Variants in IGFN1 observed in about 807,000 individuals in gnomAD.
The protein encoded by IGFN1 is immunoglobulin-like and fibronectin type III domain-containing protein 1.
In IGFN1, 253 loss-of-function variants were observed where a neutral mutation model predicts 289.5. The observed-to-expected ratio is 0.87, with a 90% confidence interval of 0.79 to 0.97. The LOEUF (loss-of-function observed/expected upper bound fraction) is 0.97, where lower values mean the gene tolerates loss of function less well. Among genes scored for constraint, IGFN1 ranks in the 50% least tolerant of loss-of-function variants. The probability of loss-of-function intolerance (pLI) is 0.00; values close to 1 mark genes in which losing one functional copy is unlikely to be tolerated. For synonymous variants in IGFN1, 1,706 were observed against 1,788.5 expected (o/e 0.95, Z 1.16); for missense variants, 4,470 against 4,686.1 (o/e 0.95, Z 1.35).
intron 2 of IGFN1, among the ~76,000 whole-genome samples, chr1:201,193,609 G>A (rs1666757644): frequency 6.6e-6 from 1 of 152,082 alleles, no homozygotes. Flanking sequence ...CTGCCACCAT[G>A]CCTGGCTAAT....
Position 201,215,709 on chromosome 1 carries a change from G to A in IGFN1, c.9166G>A (p.Val3056Met). ...VVGSSDREAQ[V>M]DLGDGYTRLC... is the part of the protein sequence containing the mutation. ...GGGCAGCAGTGACAGGGAGGCCCAG[G>A]TGGACCTGGGGGATGGCTACACGCG... The change falls in exon 15 of 24, where the codon GTG becomes ATG. Residue 3056 changes from valine to methionine, a missense_variant. Around this residue, in one of 8 missense-constraint regions of IGFN1, gnomAD observed 2,218 missense variants for 2,114.1 expected, o/e 1.05. Transcript: ENST00000335211. 6.2e-7 allele frequency: 1 copy of A among 1,613,460 alleles called. No homozygotes were observed. Among genetic ancestry groups the A allele is most frequent in the Non-Finnish European group, 8.5e-7 (1 of 1,179,768 alleles).
intron 3 of IGFN1, 57 bp downstream of exon 3, chr1:201,194,330 A>G: frequency 6.5e-7 from 1 of 1,539,602 alleles, no homozygotes; most frequent in Non-Finnish European, 8.8e-7. Flanking sequence ...CCTACCTCCC[A>G]GGGGAGAGGG....
Position 201,209,082 on chromosome 1 carries a change from A to G in IGFN1, c.4189A>G (p.Arg1397Gly), listed in dbSNP as rs1667579377. The G allele has an allele frequency of 6.5e-7, 1 of 1,535,606 alleles. No individual in the cohort carries two copies. Among genetic ancestry groups the G allele is most frequent in the African/African-American group, 1.4e-5 (1 of 72,430 alleles). Residue 1397 changes from arginine to glycine, a missense_variant, in exon 12 of 24, where the codon AGG (arginine) becomes GGG (glycine). Coordinates refer to ENST00000335211, the MANE Select transcript of IGFN1 (RefSeq NM_001164586.2). ...GMGAGYRAGLRGPGEMGSLDE... is the reference protein window; with the variant it reads ...GMGAGYRAGLGGPGEMGSLDE... ...GGGTGCAGGTTACAGGGCTGGTTTA[A>G]GGGGTCCTGGGGAGATGGGGTCACT...
At chr1:201,224,574 G>C (rs946588845) in intron 20 of IGFN1, 105 bp from the exon 21 acceptor site, 3 of 871,220 alleles carry the variant, frequency 3.4e-6, no homozygotes, top group Non-Finnish European at 5.3e-6. Flanking sequence ...TCTCCTTGTA[G>C]AAGACTCTTC....
rs1002594861 is a variant in IGFN1 at position 201,214,218 on chromosome 1, G to A, written c.8770G>A (p.Val2924Met). 4 of 1,613,380 alleles carry A rather than the reference G, an allele frequency of 2.5e-6. No homozygotes were observed. Among genetic ancestry groups the A allele is most frequent in the African/African-American group, 1.3e-5 (1 of 74,920 alleles). The change falls in exon 13 of 24, where the codon GTG becomes ATG. Residue 2924 changes from valine to methionine, a missense_variant. Physicochemically the swap from Val to Met is conservative, Grantham distance 21. This residue lies in a region of IGFN1 where 2,218 missense variants were observed against 2,114.1 expected (regional missense o/e 1.05). Coordinates refer to ENST00000335211, the MANE Select transcript of IGFN1 (RefSeq NM_001164586.2). ...HFSQGLADME[V>M]QPGEAATLSC... ...CTCCCAGGGCCTGGCTGACATGGAAGTGCAGCCGGGGGAGGCCGCCACACT... is the reference window on the plus strand; with the variant it reads ...CTCCCAGGGCCTGGCTGACATGGAAATGCAGCCGGGGGAGGCCGCCACACT...
Position 201,203,818 on chromosome 1 carries a change from G to C in IGFN1, c.828G>C (p.Gln276His), listed in dbSNP as rs974427132. 1.4e-5 allele frequency: 22 copies of C among 1,551,614 alleles called. No homozygotes were observed. Among genetic ancestry groups the C allele is most frequent in the Admixed American group, 5.9e-5 (3 of 50,990 alleles). The change falls in exon 10 of 24, where the codon CAG (glutamine) becomes CAC (histidine). Residue 276 changes from glutamine (Q) to histidine (H), a missense_variant. Around this residue, in one of 8 missense-constraint regions of IGFN1, gnomAD observed 2,011 missense variants for 1,953.4 expected, o/e 1.03. Coordinates refer to ENST00000335211, the MANE Select transcript of IGFN1 (RefSeq NM_001164586.2). The stretch of plus-strand genomic sequence containing the variant: ...GGCTGGGGAAGCGCTATGAGTTCCA[G>C]ATTCAAGACCTGAGGCCTGAGGACT... ...LRRLGKRYEF[Q>H]IQDLRPEDSG...
Position 201,207,375 on chromosome 1 carries a change from G to A in IGFN1, c.2482G>A (p.Gly828Ser), listed in dbSNP as rs1017445879. The A allele has an allele frequency of 3.9e-6, 6 of 1,536,646 alleles. No individual in the cohort carries two copies. Among genetic ancestry groups the A allele is most frequent in the African/African-American group, 1.4e-5 (1 of 73,006 alleles). Reference protein sequence around the residue: ...GWTAGHRAAGGIGRIESKGTS... With the variant: ...GWTAGHRAAGSIGRIESKGTS... The stretch of plus-strand genomic sequence containing the variant: ...GACAGCAGGTCACAGAGCAGCAGGG[G>A]GTATTGGCAGAATAGAATCTAAGGG... Residue 828 changes from glycine to serine, a missense_variant, in exon 12 of 24, where the codon GGT becomes AGT. By Grantham distance (56) the Gly-to-Ser change is moderately conservative (BLOSUM62 0). Coordinates refer to ENST00000335211, the MANE Select transcript of IGFN1 (RefSeq NM_001164586.2).
chr1:201,214,516 C>G (rs1653068819), intron 13 of IGFN1, among the ~76,000 whole-genome samples: 1 of 152,106 alleles, frequency 6.6e-6, no homozygotes, highest in Admixed American at 6.5e-5. Flanking sequence ...TCAGCATACC[C>G]CTTGTTCTTC....
At chr1:201,198,003 G>A (rs1358196829) in intron 5 of IGFN1, among the ~76,000 whole-genome samples, 1 of 152,200 alleles carries the variant, frequency 6.6e-6, no homozygotes, top group African/African-American at 2.4e-5. Context: ...CGTTCCCACT[G>A]CTCTGCCATC....
chr1:201,207,099 A>C lies in IGFN1; in HGVS notation c.2206A>C (p.Arg736=). ...DFQEPSISGG[R]KFLLGDGSPE... is the part of the protein sequence containing the mutation. The stretch of plus-strand genomic sequence containing the variant: ...CCAGGAACCATCAATATCAGGTGGT[A>C]GAAAATTCCTTCTGGGAGATGGGAG... Residue 736 remains arginine, a synonymous_variant, in exon 12 of 24, where the codon AGA becomes CGA. Coordinates refer to ENST00000335211, the MANE Select transcript of IGFN1 (RefSeq NM_001164586.2). The C allele has an allele frequency of 3.9e-6, 6 of 1,537,060 alleles. No individual in the cohort carries two copies. Among genetic ancestry groups the C allele is most frequent in the Non-Finnish European group, 5.2e-6 (6 of 1,146,864 alleles).
Position 201,215,699 on chromosome 1 carries a change from G to A in IGFN1, c.9156G>A (p.Arg3052=). 6.2e-7 allele frequency: 1 copy of A among 1,613,686 alleles called. No homozygotes were observed. Among genetic ancestry groups the A allele is most frequent in the Non-Finnish European group, 8.5e-7 (1 of 1,179,872 alleles). Residue 3052 remains arginine, a synonymous_variant, in exon 15 of 24, where the codon AGG becomes AGA. Coordinates refer to ENST00000335211, the MANE Select transcript of IGFN1 (RefSeq NM_001164586.2). ...DGAEVVGSSD[R]EAQVDLGDGY... The stretch of plus-strand genomic sequence containing the variant: ...CTGAGGTGGTGGGCAGCAGTGACAG[G>A]GAGGCCCAGGTGGACCTGGGGGATG...
chr1:201,197,901 A>C (rs976665035), intron 5 of IGFN1, among the ~76,000 whole-genome samples: 9 of 152,192 alleles, frequency 5.9e-5, no homozygotes, highest in Admixed American at 1.3e-4. Flanking sequence ...CTAAGAAATA[A>C]CGATATTTCA....
chr1:201,215,401 T>C, intron 14 of IGFN1, 138 bp from the exon 15 acceptor site: 1 of 848,466 alleles, frequency 1.2e-6, no homozygotes, highest in Non-Finnish European at 1.8e-6. Context: ...ATGAAGCCCC[T>C]TCCCCTTGTT....
intron 10 of IGFN1, among the ~76,000 whole-genome samples, chr1:201,204,291 A>AGGCATC (rs1335266759): frequency 6.6e-6 from 1 of 152,206 alleles, no homozygotes; most frequent in Non-Finnish European, 1.5e-5. Context: ...TCTCTGGGTT[A>AGGCATC]GGCATCCTCA....
chr1:201,215,723 T>C lies in IGFN1; in HGVS notation c.9180T>C (p.Asp3060=), dbSNP rs1416909070. ...SDREAQVDLG[D]GYTRLCLPSA... Reference sequence around the variant, plus strand: ...GGGAGGCCCAGGTGGACCTGGGGGATGGCTACACGCGGCTGTGCCTCCCCA... The same window carrying C: ...GGGAGGCCCAGGTGGACCTGGGGGACGGCTACACGCGGCTGTGCCTCCCCA... Residue 3060 remains aspartate (D), a synonymous_variant, in exon 15 of 24, where the codon GAT becomes GAC. Coordinates refer to ENST00000335211, the MANE Select transcript of IGFN1 (RefSeq NM_001164586.2). 1 of 1,612,514 alleles carries C rather than the reference T, an allele frequency of 6.2e-7. No individual in the cohort carries two copies. The highest frequency in any genetic ancestry group is 1.3e-5 in the African/African-American group (1 of 74,850).
intron 18 of IGFN1, among the ~76,000 whole-genome samples, chr1:201,220,145 C>T (rs901211612): frequency 3.6e-4 from 52 of 145,518 alleles, no homozygotes; most frequent in African/African-American, 1.3e-3. Flanking sequence ...CTCTCTCTCC[C>T]CCTTCCTCCC....
rs749309068 is a variant in IGFN1 at position 201,207,860 on chromosome 1, TG to T, written c.2969del (p.Gly990ValfsTer62). The T allele has an allele frequency of 2.6e-6, 4 of 1,535,890 alleles. No individual in the cohort carries two copies. In the African/African-American group the frequency reaches 5.5e-5, roughly 21 times the overall value. ...GAGAAATGGGGTCCGGCCATGGTGC[TG>T]GTTGTAGAGTTTCCCCTAGGGCACC... is the stretch of plus-strand genomic sequence containing the variant. Reference protein sequence around the residue: ...PGEMGSGHGAGCRVSPRAPAG... With the variant: ...PGEMGSGHGAXCRVSPRAPAG... On this transcript the variant is annotated frameshift_variant, in exon 12 of 24. Transcript: ENST00000335211. LOFTEE classifies it high-confidence loss of function.
Position 201,228,428 on chromosome 1 carries a change from C to A in IGFN1, c.*29C>A, listed in dbSNP as rs369102127. Reference sequence around the variant, plus strand: ...CACCTCACCCTGGGATGGTCCTGGACCCTTGAAGCTTCACTTCCGACACCT... The same window carrying A: ...CACCTCACCCTGGGATGGTCCTGGAACCTTGAAGCTTCACTTCCGACACCT... On this transcript the variant is annotated 3_prime_UTR_variant, in exon 24 of 24. Coordinates refer to ENST00000335211, the MANE Select transcript of IGFN1 (RefSeq NM_001164586.2). The A allele has an allele frequency of 3.7e-6, 6 of 1,611,970 alleles. No homozygotes were observed. Among genetic ancestry groups the A allele is most frequent in the Non-Finnish European group, 4.2e-6 (5 of 1,178,186 alleles).
chr1:201,228,499 A>G lies in IGFN1; in HGVS notation c.*100A>G, dbSNP rs1654262460. 7.7e-7 allele frequency: 1 copy of G among 1,306,672 alleles called. No homozygotes were observed. The highest frequency in any genetic ancestry group is 1.1e-6 in the Non-Finnish European group (1 of 901,064). 80.9% of individuals were successfully genotyped at this position (1,306,672 alleles called of 1,614,324 possible). ...TCCCAAGGATGGAGGCTGTGCCCAG[A>G]GCCCCAGGAAAATGGGAGTGAGAAG... On this transcript the variant is annotated 3_prime_UTR_variant, in exon 24 of 24. Transcript: ENST00000335211.
Sources: gnomAD v4.1 joint callset for allele counts (sites outside exome capture counted in the v4.1 genomes callset) on GRCh38, gnomAD v4.1.1 for gene constraint, gnomAD v4.1.1 regional missense constraint, MANE v1.5 for transcripts, NCBI Gene and HGNC (gene_info 2026-07-23, HGNC 2026-07-21) for gene names.